The following BAMBI variants were observed in gnomAD, a reference collection of about 807,000 sequenced individuals.
BAMBI encodes BMP and activin membrane bound inhibitor.
A neutral mutation model predicts 24.1 loss-of-function variants in BAMBI; 21 were observed. That is an observed-to-expected ratio of 0.87 (90% CI 0.62 to 1.26). BAMBI has a LOEUF of 1.26. BAMBI is among the 50% of genes most tolerant of loss of function. The probability of loss-of-function intolerance (pLI) is 0.00; values close to 1 mark genes in which losing one functional copy is unlikely to be tolerated. For synonymous variants in BAMBI, 156 were observed against 123.1 expected (o/e 1.27, Z -1.77); for missense variants, 388 against 329.1 (o/e 1.18, Z -1.38).
Position 28,677,963 on chromosome 10 carries a change from G to C in BAMBI, c.66G>C (p.Leu22=). 6.5e-7 allele frequency: 1 copy of C among 1,527,056 alleles called. No individual in the cohort carries two copies. The highest frequency in any genetic ancestry group is 8.7e-7 in the Non-Finnish European group (1 of 1,143,078). The allele number at this position is 1,527,056 out of a possible 1,614,324, so 94.6% of individuals were successfully genotyped here. A position where few individuals can be genotyped will look rare whatever the true frequency, so the allele number is the denominator to read the frequency against. The part of the protein sequence containing the change: ...LQLELCAMAV[L]LTKGEIRCYC... ...TGGAGCTCTGCGCCATGGCCGTGCT[G>C]CTCACCAAAGGTGGGTGCCGGGGGC... Residue 22 remains leucine, a synonymous_variant, in exon 1 of 3, where the codon CTG becomes CTC. Coordinates refer to ENST00000375533, the MANE Select transcript of BAMBI (RefSeq NM_012342.3).
In BAMBI at chr10:28,677,808, C is replaced by T; in HGVS notation, c.-90C>T. On this transcript the variant is annotated 5_prime_UTR_variant, in exon 1 of 3. Transcript: ENST00000375533. The stretch of plus-strand genomic sequence containing the variant: ...ACGGCGCCCGCCGCTCCGGGCAGGG[C>T]CCATGCCCTGCGCGCTCCGGGGGTC... 1.9e-6 allele frequency: 2 copies of T among 1,065,032 alleles called. No homozygotes were observed. Among genetic ancestry groups the T allele is most frequent in the African/African-American group, 1.7e-5 (1 of 59,134 alleles). The allele number at this position is 1,065,032 out of a possible 1,614,324, so 66.0% of individuals were successfully genotyped here.
rs1361915517 is a variant in BAMBI, at chr10:28,682,893, CTCTTT to C, written c.*499_*503del. The C allele has an allele frequency of 1.9e-5, 2 of 107,890 alleles. No individual in the cohort carries two copies. Among genetic ancestry groups the C allele is most frequent in the East Asian group, 5.1e-4 (1 of 1,976 alleles). The allele number at this position is 107,890 out of a possible 1,614,324, so 6.7% of individuals were successfully genotyped here. A position where few individuals can be genotyped will look rare whatever the true frequency, so the allele number is the denominator to read the frequency against. ...AGGATGTGGCTTGGTTTTTTTTTTT[CTCTTT>C]TCTTTTTTAAACAAGACCAAGATCT... is the stretch of plus-strand genomic sequence containing the variant. On this transcript the variant is annotated 3_prime_UTR_variant, in exon 3 of 3. Transcript: ENST00000375533.
At chr10:28,678,233 G>C (rs915468513) in intron 1 of BAMBI, among the ~76,000 whole-genome samples, 6 of 152,222 alleles carry the variant, frequency 3.9e-5, no homozygotes, top group Non-Finnish European at 5.9e-5. Context: ...AGCGGGGAGC[G>C]GGGCCGGAGT....
intron 1 of BAMBI, 37 bp downstream of exon 1, chr10:28,678,010 C>T (rs1005057689): frequency 1.7e-5 from 25 of 1,490,268 alleles, no homozygotes; most frequent in Admixed American, 4.1e-5. Flanking sequence ...GGGGTCCCGT[C>T]CTCGCCGCGG....
Position 28,682,077 on chromosome 10 carries a change from GGT to G in BAMBI, c.460_461del (p.Val154HisfsTer25). 6.2e-7 allele frequency: 1 copy of G among 1,614,090 alleles called. No individual in the cohort carries two copies. Among genetic ancestry groups the G allele is most frequent in the Non-Finnish European group, 8.5e-7 (1 of 1,180,010 alleles). The stretch of plus-strand genomic sequence containing the variant: ...CCAAAGAGTTGTGGTTCCGGGCAGC[GGT>G]CATTGCCGTGCCCATTGCTGGAGGG... ...SSKELWFRAA[V>X]IAVPIAGGLI... On this transcript the variant is annotated frameshift_variant, in exon 3 of 3. Coordinates refer to ENST00000375533, the MANE Select transcript of BAMBI (RefSeq NM_012342.3). LOFTEE classifies it high-confidence loss of function.
In BAMBI at chr10:28,682,458, T is replaced by C; in HGVS notation, c.*57T>C. ...AGCTTGAAGGCCTTTTGAGTTCTGC[T>C]GGACAGGAGCACTTTATCTGAAGAC... On this transcript the variant is annotated 3_prime_UTR_variant, in exon 3 of 3. Coordinates refer to ENST00000375533, the MANE Select transcript of BAMBI (RefSeq NM_012342.3). The C allele has an allele frequency of 6.7e-7, 1 of 1,486,188 alleles. No individual in the cohort carries two copies. Among genetic ancestry groups the C allele is most frequent in the Admixed American group, 2.0e-5 (1 of 49,496 alleles). 92.1% of individuals were successfully genotyped at this position (1,486,188 alleles called of 1,614,324 possible).
intron 1 of BAMBI, among the ~76,000 whole-genome samples, chr10:28,679,283 A>G (rs913831666): frequency 3.3e-5 from 5 of 152,216 alleles, no homozygotes; most frequent in African/African-American, 9.7e-5. Flanking sequence ...TGCGGACTTC[A>G]AAAGCTTTAA....
chr10:28,678,177 A>G (rs1834457788), intron 1 of BAMBI, among the ~76,000 whole-genome samples: 1 of 152,176 alleles, frequency 6.6e-6, no homozygotes, highest in Non-Finnish European at 1.5e-5. Flanking sequence ...CGCTGATCAG[A>G]GGGTCCTCCT....
chr10:28,681,624 T>C (rs942339045), intron 2 of BAMBI, 79 bp downstream of exon 2: 5 of 1,449,808 alleles, frequency 3.4e-6, no homozygotes, highest in Middle Eastern at 1.8e-4. Flanking sequence ...ATGTCTGCTA[T>C]TGATTTTGTT....
chr10:28,679,477 G>A (rs1057414354), intron 1 of BAMBI, among the ~76,000 whole-genome samples: 4 of 151,964 alleles, frequency 2.6e-5, no homozygotes, highest in African/African-American at 9.7e-5. Flanking sequence ...CAGAAATATA[G>A]TTTTAATACA....
Position 28,682,165 on chromosome 10 carries a change from C to T in BAMBI, c.547C>T (p.Leu183=). 1 of 1,614,156 alleles carries T rather than the reference C, an allele frequency of 6.2e-7. No individual in the cohort carries two copies. Residue 183 remains leucine, a synonymous_variant, in exon 3 of 3, where the codon CTG becomes TTG. Coordinates refer to ENST00000375533, the MANE Select transcript of BAMBI (RefSeq NM_012342.3). ...GATGCTTCGAAGTGAAAATAAGAGGCTGCAGGATCAGCGGCAACAGATGCT... is the reference window on the plus strand; with the variant it reads ...GATGCTTCGAAGTGAAAATAAGAGGTTGCAGGATCAGCGGCAACAGATGCT... ...LRMLRSENKR[L]QDQRQQMLSR...
rs186200792 is a variant in BAMBI, at chr10:28,677,667, G to C, written c.-231G>C. On this transcript the variant is annotated 5_prime_UTR_variant, in exon 1 of 3. Transcript: ENST00000375533. ...AGCGTGCGTCCCTAGAGTCGAGCGG[G>C]GCAAGGGAGCCAGTGGCCGCCGACG... 1,600 of 261,196 alleles carry C rather than the reference G, an allele frequency of 6.1e-3. 29 individuals are homozygous for C. The highest frequency in any genetic ancestry group is 0.034 in the African/African-American group (1,509 of 44,416). The allele number at this position is 261,196 out of a possible 1,614,324, so 16.2% of individuals were successfully genotyped here.
chr10:28,682,001 A>G lies in BAMBI; in HGVS notation c.383A>G (p.Gln128Arg). 5 of 1,613,238 alleles carry G rather than the reference A, an allele frequency of 3.1e-6. No homozygotes were observed. Among genetic ancestry groups the G allele is most frequent in the East Asian group, 2.2e-5 (1 of 44,848 alleles). Residue 128 changes from glutamine to arginine, a missense_variant, in exon 3 of 3, where the codon CAG (glutamine) becomes CGG (arginine). By Grantham distance (43) the Gln-to-Arg change is conservative. Transcript: ENST00000375533. ...GEASGQGNRY[Q>R]HDGSRNLITK... ...CCTTTAGGACAAGGAAACAGGTATCAGCATGATGGTAGCAGAAACCTTATC... is the reference window on the plus strand; with the variant it reads ...CCTTTAGGACAAGGAAACAGGTATCGGCATGATGGTAGCAGAAACCTTATC...
intron 1 of BAMBI, among the ~76,000 whole-genome samples, chr10:28,680,854 C>A (rs769876920): frequency 1.4e-4 from 21 of 152,162 alleles, no homozygotes; most frequent in Non-Finnish European, 1.8e-4. Flanking sequence ...GTAAACAATT[C>A]AGTAGTTCCG....
At position 28,677,880 on chromosome 10, in the gene BAMBI, C is replaced by A. The variant is rs752200808; in HGVS notation, c.-18C>A. On this transcript the variant is annotated 5_prime_UTR_variant, in exon 1 of 3. Transcript: ENST00000375533. ...GCTCCGGAAGCCGGCGGGGGCGCCG[C>A]GGCCGTGCGGGGCGTCAATGGATCG... 3 of 1,493,230 alleles carry A rather than the reference C, an allele frequency of 2.0e-6. No individual in the cohort carries two copies. Among genetic ancestry groups the A allele is most frequent in the South Asian group, 2.5e-5 (2 of 79,814 alleles). The allele number at this position is 1,493,230 out of a possible 1,614,324, so 92.5% of individuals were successfully genotyped here.
In BAMBI at chr10:28,682,534, C is replaced by A; in HGVS notation, c.*133C>A. The A allele has an allele frequency of 1.3e-6, 1 of 765,626 alleles. No homozygotes were observed. Among genetic ancestry groups the A allele is most frequent in the Non-Finnish European group, 2.1e-6 (1 of 483,244 alleles). 47.4% of individuals were successfully genotyped at this position (765,626 alleles called of 1,614,324 possible). A position where few individuals can be genotyped will look rare whatever the true frequency, so the allele number is the denominator to read the frequency against. On this transcript the variant is annotated 3_prime_UTR_variant, in exon 3 of 3. Coordinates refer to ENST00000375533, the MANE Select transcript of BAMBI (RefSeq NM_012342.3). ...ACAAAATGACCTCTGCAAACAGAAT[C>A]TTGGATATTTCTTCTGAAGGATTAT...
At chr10:28,680,870 A>G (rs536449279) in intron 1 of BAMBI, among the ~76,000 whole-genome samples, 2 of 152,376 alleles carry the variant, frequency 1.3e-5, no homozygotes, top group African/African-American at 2.4e-5. Flanking sequence ...TTCCGATCAA[A>G]TATTTATACT....
intron 1 of BAMBI, among the ~76,000 whole-genome samples, chr10:28,679,677 C>G (rs1009279406): frequency 1.3e-5 from 2 of 152,150 alleles, no homozygotes; most frequent in African/African-American, 2.4e-5. Flanking sequence ...AGGTCTGAAG[C>G]TAATAGGGTC....
In BAMBI at chr10:28,681,848, A is replaced by G. The variant is rs183287414; in HGVS notation, c.365-135A>G. 1.5e-4 allele frequency: 145 copies of G among 965,316 alleles called. No individual in the cohort carries two copies. The East Asian group carries it at 3.2e-3, about 21-fold the overall frequency. The allele number at this position is 965,316 out of a possible 1,614,324, so 59.8% of individuals were successfully genotyped here. The stretch of plus-strand genomic sequence containing the variant: ...TGTAAGCTTCTTCAGATAGTTTTGC[A>G]ATGTTTTCTAAATATCGTTGATTTA... On this transcript the variant is annotated intron_variant, in intron 2 of 2. Transcript: ENST00000375533.
Sources: allele counts gnomAD v4.1 joint callset (sites outside exome capture counted in the v4.1 genomes callset), GRCh38; gene constraint gnomAD v4.1.1; transcripts MANE v1.5; gene names NCBI Gene and HGNC (gene_info 2026-07-23, HGNC 2026-07-21).